Variants in EGFL6 observed in about 807,000 individuals in gnomAD.
The protein encoded by EGFL6 is EGF like domain multiple 6.
A neutral mutation model predicts 43.1 loss-of-function variants in EGFL6; 42 were observed. The observed-to-expected ratio is 0.98, with a 90% CI of 0.76 to 1.26. EGFL6 has a LOEUF of 1.26. EGFL6 is among the 50% of genes most tolerant of loss of function. The probability of loss-of-function intolerance (pLI) is 0.00; values close to 1 mark genes in which losing one functional copy is unlikely to be tolerated. For synonymous variants in EGFL6, 164 were observed against 163.2 expected (o/e 1.01, Z -0.04); for missense variants, 429 against 427.8 (o/e 1.00, Z -0.02).
chrX:13,586,873 T>C (rs746209183), intron 1 of EGFL6, among the ~76,000 whole-genome samples: 3 of 112,561 alleles, frequency 2.7e-5, no homozygotes, highest in Admixed American at 9.5e-5. Flanking sequence ...GGTATATCCA[T>C]ATTATGGAAT....
At chrX:13,620,554 T>C (rs1354567880) in intron 9 of EGFL6, among the ~76,000 whole-genome samples, 2 of 111,010 alleles carry the variant, frequency 1.8e-5, no homozygotes, top group East Asian at 2.8e-4. Context: ...GTCCTCCAAA[T>C]TGTATCTGAG....
intron 5 of EGFL6, among the ~76,000 whole-genome samples, chrX:13,605,372 A>G (rs1489603668): frequency 9.1e-6 from 1 of 109,360 alleles, no homozygotes; most frequent in Non-Finnish European, 1.9e-5. Flanking sequence ...CAGGAGTTTG[A>G]GACCAGCCTG....
At chrX:13,596,768 G>A (rs1211803376) in intron 3 of EGFL6, among the ~76,000 whole-genome samples, 11 of 112,003 alleles carry the variant, frequency 9.8e-5, no homozygotes, top group African/African-American at 3.6e-4. Flanking sequence ...GACATTTGGA[G>A]GGGGTGCTAC....
chrX:13,574,486 C>T (rs2045459927), intron 1 of EGFL6, among the ~76,000 whole-genome samples: 1 of 111,706 alleles, frequency 9.0e-6, no homozygotes, highest in Non-Finnish European at 1.9e-5. Flanking sequence ...TTGTGTACTC[C>T]CTCAAGATTC....
At chrX:13,609,044 C>T (rs938618558) in intron 7 of EGFL6, among the ~76,000 whole-genome samples, 16 of 112,214 alleles carry the variant, frequency 1.4e-4, no homozygotes, top group African/African-American at 4.9e-4. Context: ...ATTTATAAAC[C>T]AGACATCTAA....
intron 11 of EGFL6, among the ~76,000 whole-genome samples, chrX:13,628,814 A>C: frequency 1.0e-5 from 1 of 98,023 alleles, no homozygotes; most frequent in Non-Finnish European, 1.9e-5. Context: ...TCTCAAAAAA[A>C]ACCCCGAAAA....
chrX:13,574,432 G>T (rs2045459568), intron 1 of EGFL6, among the ~76,000 whole-genome samples: 1 of 112,102 alleles, frequency 8.9e-6, no homozygotes, highest in African/African-American at 3.2e-5. Context: ...TCTGAGGACA[G>T]TGGGGGCAGG....
intron 3 of EGFL6, among the ~76,000 whole-genome samples, chrX:13,598,865 T>C (rs1413206836): frequency 1.9e-5 from 2 of 104,324 alleles, no homozygotes; most frequent in Non-Finnish European, 3.9e-5. Flanking sequence ...ATATAATTCA[T>C]ATATATTTCA....
chrX:13,582,432 T>A (rs2045512342), intron 1 of EGFL6, among the ~76,000 whole-genome samples: 1 of 111,405 alleles, frequency 9.0e-6, no homozygotes, highest in Non-Finnish European at 1.9e-5. Flanking sequence ...GCAAATCTCC[T>A]ATATCTTTCG....
At chrX:13,627,428 T>C (rs1035855884) in intron 11 of EGFL6, 152 bp downstream of exon 11, 44 of 731,764 alleles carry the variant, frequency 6.0e-5, no homozygotes, top group Non-Finnish European at 1.9e-6. Flanking sequence ...TGGAGCTGAA[T>C]AGGCAAGGTG....
At position 13,619,166 on chromosome X, in the gene EGFL6, C is replaced by T. The variant is rs1302893935; in HGVS notation, c.1106C>T (p.Pro369Leu). The change falls in exon 9 of 12, where the codon CCT becomes CTT. Residue 369 changes from proline to leucine, a missense_variant. By Grantham distance (98) the Pro-to-Leu change is moderately conservative. Coordinates refer to ENST00000361306, the MANE Select transcript of EGFL6 (RefSeq NM_015507.4). Reference sequence around the variant, plus strand: ...CTGACCAAGTGTTCTTTATTAGTCCCTAAGGTGAATGAAGCAGGTGAATTC... The same window carrying T: ...CTGACCAAGTGTTCTTTATTAGTCCTTAAGGTGAATGAAGCAGGTGAATTC... ...ERSLRGDVFF[P>L]KVNEAGEFGL... The T allele has an allele frequency of 5.8e-6, 7 of 1,208,921 alleles. No individual in the cohort carries two copies. The highest frequency in any genetic ancestry group is 7.8e-6 in the Non-Finnish European group (7 of 894,038).
At chrX:13,614,751 T>A (rs1035089080) in intron 7 of EGFL6, among the ~76,000 whole-genome samples, 136 of 99,083 alleles carry the variant, frequency 1.4e-3, no homozygotes, top group Non-Finnish European at 1.8e-3. Context: ...CCCTCCATAT[T>A]TTTTTTTTTT....
rs760619136 is a variant in EGFL6 at position 13,578,709 on chromosome X, C to T, written c.74+8774C>T. Among the ~76,000 whole-genome samples the T allele has an allele frequency of 3.2e-4, 35 of 109,730 alleles. No homozygotes were observed. The South Asian group carries it at 0.013, about 42-fold the overall frequency. On this transcript the variant is annotated intron_variant, in intron 1 of 11. Transcript: ENST00000361306. ...AAACCAAACACCGCATATTCTCACT[C>T]ATAGGTGGGAATTGAACAATGAGAA...
At chrX:13,600,590 A>G (rs2045628545) in intron 4 of EGFL6, among the ~76,000 whole-genome samples, 1 of 108,140 alleles carries the variant, frequency 9.2e-6, no homozygotes. Flanking sequence ...CCCAGCTTCC[A>G]TAATTTTTTT....
chrX:13,621,727 T>C (rs1318700604), intron 9 of EGFL6, among the ~76,000 whole-genome samples: 1 of 112,458 alleles, frequency 8.9e-6, no homozygotes, highest in Admixed American at 9.3e-5. Flanking sequence ...GCTGTGAGTG[T>C]TTCCAGTAGA....
intron 3 of EGFL6, among the ~76,000 whole-genome samples, chrX:13,596,787 A>G (rs1015036316): frequency 1.8e-5 from 2 of 112,132 alleles, no homozygotes; most frequent in Admixed American, 1.9e-4. Flanking sequence ...ACTGGTGTCT[A>G]ATGGGTAGAG....
At position 13,589,462 on chromosome X, in the gene EGFL6, G is replaced by C. The variant is rs773422526; in HGVS notation, c.75-94G>C. ...ACTGCGGGTTCGTTGAAATTAACCA[G>C]GTAATTGACATCTCTGGTTCTTTTA... On this transcript the variant is annotated intron_variant, in intron 1 of 11. Transcript: ENST00000361306. The C allele has an allele frequency of 1.1e-4, 77 of 726,083 alleles. No homozygotes were observed. The South Asian group carries it at 2.7e-3, about 26-fold the overall frequency. 59.8% of individuals were successfully genotyped at this position (726,083 alleles called of 1,213,427 possible).
At chrX:13,573,507 T>G (rs149117288) in intron 1 of EGFL6, among the ~76,000 whole-genome samples, 2,004 of 112,156 alleles carry the variant, frequency 0.018, 38 homozygotes, top group East Asian at 0.064. Flanking sequence ...AAAGTCCTAT[T>G]TATATGTAAT....
intron 1 of EGFL6, 108 bp from the exon 2 acceptor site, chrX:13,589,448 G>A (rs2045551038): frequency 7.8e-6 from 5 of 639,197 alleles, no homozygotes; most frequent in Admixed American, 4.2e-5. Flanking sequence ...CTGCGGGTTC[G>A]TTGAAATTAA....
Sources: allele counts gnomAD v4.1 joint callset (sites outside exome capture counted in the v4.1 genomes callset), GRCh38; gene constraint gnomAD v4.1.1; transcripts MANE v1.5; gene names NCBI Gene and HGNC (gene_info 2026-07-23, HGNC 2026-07-21).